The following CNTNAP2 variants were observed in gnomAD, a reference collection of about 807,000 sequenced individuals.
The protein encoded by CNTNAP2 is contactin-associated protein-like 2.
A neutral mutation model predicts 155.2 loss-of-function variants in CNTNAP2; 98 were observed. The ratio of observed to expected loss-of-function variants is 0.63; its 90% CI spans 0.54 to 0.75. The LOEUF (loss-of-function observed/expected upper bound fraction) is 0.75, where lower values mean the gene tolerates loss of function less well. Ranked by LOEUF, CNTNAP2 falls within the 30% of genes least tolerant of loss-of-function variation. The probability of loss-of-function intolerance (pLI) is 0.00; values close to 1 mark genes in which losing one functional copy is unlikely to be tolerated. For synonymous variants in CNTNAP2, 651 were observed against 631.2 expected (o/e 1.03, Z -0.47); for missense variants, 1,727 against 1,688.1 (o/e 1.02, Z -0.40).
At chr7:147,520,861 C>CCTGT (rs1247668771) in intron 11 of CNTNAP2, among the ~76,000 whole-genome samples, 1 of 152,276 alleles carries the variant, frequency 6.6e-6, no homozygotes, top group African/African-American at 2.4e-5. Flanking sequence ...TTCCGTAGAC[C>CCTGT]CTGTCCTCTG....
intron 8 of CNTNAP2, among the ~76,000 whole-genome samples, chr7:147,145,268 G>C (rs116117038): frequency 0.011 from 1,702 of 152,194 alleles, 33 homozygotes; most frequent in African/African-American, 0.038. Flanking sequence ...GTGGTTCTCA[G>C]CTAGGAGTGA....
intron 1 of CNTNAP2, among the ~76,000 whole-genome samples, chr7:146,190,638 A>G (rs1009014520): frequency 2.4e-4 from 37 of 152,340 alleles, no homozygotes; most frequent in Middle Eastern, 3.4e-3. Context: ...AAAGAAACAC[A>G]TAAGAAGCAT....
At chr7:147,042,655 T>C (rs533810449) in intron 3 of CNTNAP2, among the ~76,000 whole-genome samples, 2 of 152,300 alleles carry the variant, frequency 1.3e-5, no homozygotes, top group East Asian at 1.9e-4. Context: ...TGGTTTTAGA[T>C]AGAAGCAAAT....
At chr7:146,793,623 A>T (rs1350732743) in intron 2 of CNTNAP2, among the ~76,000 whole-genome samples, 1 of 152,222 alleles carries the variant, frequency 6.6e-6, no homozygotes, top group East Asian at 1.9e-4. Flanking sequence ...CAAGAATGCG[A>T]TAGCTGTTCC....
intron 4 of CNTNAP2, among the ~76,000 whole-genome samples, chr7:147,053,450 T>G (rs1799507217): frequency 6.6e-6 from 1 of 152,116 alleles, no homozygotes; most frequent in South Asian, 2.1e-4. Context: ...CAGTTACAAT[T>G]GGCAGCTAGC....
intron 2 of CNTNAP2, among the ~76,000 whole-genome samples, chr7:146,800,386 T>C (rs1802853178): frequency 6.6e-6 from 1 of 152,228 alleles, no homozygotes; most frequent in Non-Finnish European, 1.5e-5. Flanking sequence ...GAAGACCAGC[T>C]GGCTCTGACC....
intron 10 of CNTNAP2, among the ~76,000 whole-genome samples, chr7:147,426,663 C>T (rs139686890): frequency 1.3e-5 from 2 of 152,230 alleles, no homozygotes; most frequent in East Asian, 3.9e-4. Context: ...TAATCTAAAA[C>T]ATCTGTGATT....
At position 147,225,798 on chromosome 7, in the gene CNTNAP2, G is replaced by A. The variant is rs866321678; in HGVS notation, c.1349-74343G>A. Among the ~76,000 whole-genome samples the A allele has an allele frequency of 3.3e-3, 236 of 71,056 alleles. 1 individual carries two copies. The highest frequency in any genetic ancestry group is 8.9e-3 in the African/African-American group (157 of 17,642). The allele number at this position is 71,056 out of a possible 152,430, so 46.6% of individuals were successfully genotyped here. A position where few individuals can be genotyped will look rare whatever the true frequency, so the allele number is the denominator to read the frequency against. ...AGGAAGGAAGGAAGGAAGGAAGGAAGGAAAGAAAGAAAGAAGGAAAGAAGG... is the reference window on the plus strand; with the variant it reads ...AGGAAGGAAGGAAGGAAGGAAGGAAAGAAAGAAAGAAAGAAGGAAAGAAGG... On this transcript the variant is annotated intron_variant, in intron 8 of 23. Transcript: ENST00000361727.
At position 148,389,329 on chromosome 7, in the gene CNTNAP2, C is replaced by G. The variant is rs866761598; in HGVS notation, c.3715+5441C>G. 1.3e-5 allele frequency among the ~76,000 whole-genome samples: 2 copies of G among 152,246 alleles called. 1 individual carries two copies. Among genetic ancestry groups the G allele is most frequent in the Middle Eastern group, 6.8e-3 (2 of 294 alleles). On this transcript the variant is annotated intron_variant, in intron 22 of 23. Coordinates refer to ENST00000361727, the MANE Select transcript of CNTNAP2 (RefSeq NM_014141.6). ...TGACAGTGAATAAGTCTCACAAGAT[C>G]TGATGGTTTTATAAAGGGGAGTTTC... is the stretch of plus-strand genomic sequence containing the variant.
rs1800384869 is a variant in CNTNAP2 at position 146,675,598 on chromosome 7, A to G, written c.98-98673A>G. On this transcript the variant is annotated intron_variant, in intron 1 of 23. Coordinates refer to ENST00000361727, the MANE Select transcript of CNTNAP2 (RefSeq NM_014141.6). The stretch of plus-strand genomic sequence containing the variant: ...TTGGTTGAATAAGTGAATGCCATGT[A>G]GTACCTATTTTGGTTGTCATTGGCT... Among the ~76,000 whole-genome samples the G allele has an allele frequency of 2.0e-5, 3 of 152,218 alleles. No individual in the cohort carries two copies. In the South Asian group the frequency reaches 6.2e-4, roughly 32 times the overall value.
chr7:148,153,440 T>C (rs1157408961), intron 17 of CNTNAP2, among the ~76,000 whole-genome samples: 2 of 152,194 alleles, frequency 1.3e-5, no homozygotes, highest in African/African-American at 4.8e-5. Flanking sequence ...CTGGTATTTG[T>C]CTGAAAAGTG....
At chr7:147,725,801 C>G (rs544699299) in intron 13 of CNTNAP2, among the ~76,000 whole-genome samples, 31 of 152,062 alleles carry the variant, frequency 2.0e-4, no homozygotes, top group Non-Finnish European at 3.7e-4. Context: ...CTACCACAAA[C>G]CAGTTTTAGG....
intron 14 of CNTNAP2, among the ~76,000 whole-genome samples, chr7:147,910,007 C>T (rs1051619691): frequency 1.3e-5 from 2 of 152,112 alleles, no homozygotes; most frequent in African/African-American, 4.8e-5. Context: ...CCTTTTTCTT[C>T]CTGGGCCAAA....
intron 1 of CNTNAP2, among the ~76,000 whole-genome samples, chr7:146,120,125 A>G (rs760539479): frequency 6.6e-6 from 1 of 151,966 alleles, no homozygotes; most frequent in Non-Finnish European, 1.5e-5. Flanking sequence ...ATAGTATATT[A>G]GTCTATTTTC....
intron 1 of CNTNAP2, among the ~76,000 whole-genome samples, chr7:146,446,188 A>C (rs186075217): frequency 6.6e-6 from 1 of 152,324 alleles, no homozygotes; most frequent in Admixed American, 6.5e-5. Flanking sequence ...CTGCTTAAAT[A>C]AAAAATATTA....
At chr7:147,451,213 A>G (rs1032598259) in intron 10 of CNTNAP2, among the ~76,000 whole-genome samples, 14 of 152,304 alleles carry the variant, frequency 9.2e-5, no homozygotes, top group Admixed American at 8.5e-4. Context: ...CATAGAAACA[A>G]GAGCCCACTA....
At chr7:147,266,285 CATAAA>C (rs1437283549) in intron 8 of CNTNAP2, among the ~76,000 whole-genome samples, 8 of 152,162 alleles carry the variant, frequency 5.3e-5, no homozygotes, top group Admixed American at 5.2e-4. Context: ...GAGAGAGAAA[CATAAA>C]AGACCGGATG....
In CNTNAP2 at chr7:146,555,342, TTATC is replaced by T. The variant is rs1306205448; in HGVS notation, c.98-218925_98-218922del. Among the ~76,000 whole-genome samples, 3 of 152,302 alleles carry T rather than the reference TTATC, an allele frequency of 2.0e-5. No homozygotes were observed. The East Asian group carries it at 5.8e-4, about 29-fold the overall frequency. ...TCATGCATTAGACTAACATAAGACTTTATCTATTATCTATCTAATCTAATCTTTT... is the reference window on the plus strand; with the variant it reads ...TCATGCATTAGACTAACATAAGACTTTATTATCTATCTAATCTAATCTTTT... On this transcript the variant is annotated intron_variant, in intron 1 of 23. Transcript: ENST00000361727.
intron 10 of CNTNAP2, among the ~76,000 whole-genome samples, chr7:147,398,949 G>GCT (rs1796867921): frequency 6.6e-6 from 1 of 151,944 alleles, no homozygotes; most frequent in Non-Finnish European, 1.5e-5. Flanking sequence ...TGGCATGTCA[G>GCT]TAGATCAAGG....
Sources: gnomAD v4.1 joint callset for allele counts (sites outside exome capture counted in the v4.1 genomes callset) on GRCh38, gnomAD v4.1.1 for gene constraint, MANE v1.5 for transcripts, NCBI Gene and HGNC (gene_info 2026-07-23, HGNC 2026-07-21) for gene names.